Variants in OAF observed in about 807,000 individuals in gnomAD.
OAF encodes the protein out at first protein homolog.
OAF carries 13 observed loss-of-function variants against 22.5 expected under a neutral mutation model. The observed-to-expected ratio is 0.58, with a 90% CI of 0.38 to 0.92. The LOEUF (loss-of-function observed/expected upper bound fraction) is 0.92. OAF is among the 40% of genes least tolerant of loss of function. OAF has a pLI of 0.00. For synonymous variants in OAF, 175 were observed against 170.5 expected, an observed-to-expected ratio of 1.03 and a Z score of -0.21; for missense variants, 347 against 381.8, an observed-to-expected ratio of 0.91 and a Z score of 0.76.
chr11:120,211,452 G>C lies in OAF; in HGVS notation c.173G>C (p.Ser58Thr). 1 of 1,544,402 alleles carries C rather than the reference G, an allele frequency of 6.5e-7. No homozygotes were observed. Among genetic ancestry groups the C allele is most frequent in the Non-Finnish European group, 8.7e-7 (1 of 1,145,396 alleles). The change falls in exon 1 of 4, where the codon AGC (serine) becomes ACC (threonine). Residue 58 changes from serine (S) to threonine (T), a missense_variant. Ser to Thr is a moderately conservative substitution (Grantham distance 58). Coordinates refer to ENST00000328965, the MANE Select transcript of OAF (RefSeq NM_178507.4). ...LQADSDADSI[S>T]LELRKPDGTL... ...GCGGACAGCGACGCGGACAGCATCA[G>C]CCTCGAGCTGCGCAAGCCCGACGGC...
In OAF at chr11:120,223,869, G is replaced by C. The variant is rs143965881; in HGVS notation, c.232-1792G>C. Among the ~76,000 whole-genome samples, 499 of 152,328 alleles carry C rather than the reference G, an allele frequency of 3.3e-3. 3 individuals are homozygous for C. The highest frequency in any genetic ancestry group is 0.011 in the African/African-American group (452 of 41,560). ...GGGGATCCTGCCAGGGACATGGCCT[G>C]GCTCAAGCTCTAGCAGGGGAAGTCT... On this transcript the variant is annotated intron_variant, in intron 1 of 3. Coordinates refer to ENST00000328965, the MANE Select transcript of OAF (RefSeq NM_178507.4).
At chr11:120,222,837 G>A (rs554853718) in intron 1 of OAF, among the ~76,000 whole-genome samples, 74 of 152,276 alleles carry the variant, frequency 4.9e-4, no homozygotes, top group Non-Finnish European at 9.0e-4. Context: ...GCTTGAACCC[G>A]GTAGGTGGAG....
intron 3 of OAF, 44 bp from the exon 4 acceptor site, chr11:120,228,824 C>CAACCCG: frequency 1.9e-6 from 1 of 519,062 alleles, no homozygotes; most frequent in Non-Finnish European, 3.6e-6. Flanking sequence ...AGCTCCTTCC[C>CAACCCG]TCCCTCCCTC....
intron 1 of OAF, among the ~76,000 whole-genome samples, chr11:120,223,719 C>A (rs1262716619): frequency 2.0e-5 from 3 of 152,192 alleles, no homozygotes; most frequent in Non-Finnish European, 4.4e-5. Context: ...CCTGAGCAGC[C>A]CTGAGACTTC....
Position 120,222,412 on chromosome 11 carries a change from C to T in OAF, c.232-3249C>T, listed in dbSNP as rs147492603. ...GTCTTTACAAAATACAAAAATTAGC[C>T]GGGCATGGTGGCACATGCCTGTAAT... On this transcript the variant is annotated intron_variant, in intron 1 of 3. Coordinates refer to ENST00000328965, the MANE Select transcript of OAF (RefSeq NM_178507.4). Among the ~76,000 whole-genome samples, 1,155 of 152,032 alleles carry T rather than the reference C, an allele frequency of 7.6e-3. 10 individuals carry two copies. Among genetic ancestry groups the T allele is most frequent in the African/African-American group, 0.026 (1,095 of 41,430 alleles).
rs148100634 is a variant in OAF, at chr11:120,211,438, C to T, written c.159C>T (p.Asp53=). The change falls in exon 1 of 4, where the codon GAC becomes GAT. Residue 53 remains aspartate (D), a synonymous_variant. Coordinates refer to ENST00000328965, the MANE Select transcript of OAF (RefSeq NM_178507.4). ...AGGAGAGCCTGCAGGCGGACAGCGACGCGGACAGCATCAGCCTCGAGCTGC... is the reference window on the plus strand; with the variant it reads ...AGGAGAGCCTGCAGGCGGACAGCGATGCGGACAGCATCAGCCTCGAGCTGC... ...VTEESLQADS[D]ADSISLELRK... 628 of 1,565,248 alleles carry T rather than the reference C, an allele frequency of 4.0e-4. 3 individuals are homozygous for T. In the African/African-American group the frequency reaches 7.1e-3, roughly 18 times the overall value.
chr11:120,221,599 C>T (rs1375256779), intron 1 of OAF, among the ~76,000 whole-genome samples: 2 of 152,186 alleles, frequency 1.3e-5, no homozygotes, highest in Admixed American at 6.5e-5. Flanking sequence ...TAAGTAAATC[C>T]CTTCAAGGTT....
intron 1 of OAF, among the ~76,000 whole-genome samples, chr11:120,219,152 G>A (rs1938249785): frequency 6.6e-6 from 1 of 151,994 alleles, no homozygotes; most frequent in South Asian, 2.1e-4. Flanking sequence ...GGGGTGTGAT[G>A]AGACGGTGGG....
Position 120,226,825 on chromosome 11 carries a change from C to T in OAF, c.376C>T (p.Arg126Trp), listed in dbSNP as rs147440018. ...TCTCTCCCACACACAGAAAAATCCC[C>T]GGGCAGTGCGGCAGGCGGAGGAGGT... Reference protein sequence around the residue: ...AMAKLRQKNPRAVRQAEEVRG... With the variant: ...AMAKLRQKNPWAVRQAEEVRG... Residue 126 changes from arginine to tryptophan, a missense_variant, in exon 3 of 4, where the codon CGG becomes TGG. Coordinates refer to ENST00000328965, the MANE Select transcript of OAF (RefSeq NM_178507.4). 98 of 1,595,786 alleles carry T rather than the reference C, an allele frequency of 6.1e-5. No homozygotes were observed. The highest frequency in any genetic ancestry group is 7.5e-5 in the Non-Finnish European group (87 of 1,166,632).
intron 1 of OAF, among the ~76,000 whole-genome samples, chr11:120,223,046 C>T (rs559411510): frequency 1.2e-4 from 18 of 152,212 alleles, no homozygotes; most frequent in African/African-American, 1.7e-4. Context: ...GAGCCAGAGC[C>T]GCCACATTCG....
intron 1 of OAF, among the ~76,000 whole-genome samples, chr11:120,222,078 C>G (rs1241636890): frequency 6.6e-6 from 1 of 152,148 alleles, no homozygotes; most frequent in Admixed American, 6.5e-5. Flanking sequence ...GGACTTTCAC[C>G]CTTCCCTGTG....
At position 120,229,371 on chromosome 11, in the gene OAF, A is replaced by C; in HGVS notation, c.*229A>C. ...CACCCTGTGCCTTCCTTGCGGGCAGAGAGGGAGAGAAGGGCTCCCCAGATC... is the reference window on the plus strand; with the variant it reads ...CACCCTGTGCCTTCCTTGCGGGCAGCGAGGGAGAGAAGGGCTCCCCAGATC... On this transcript the variant is annotated 3_prime_UTR_variant, in exon 4 of 4. Transcript: ENST00000328965. The C allele has an allele frequency of 1.4e-4, 59 of 422,770 alleles. No homozygotes were observed. Among genetic ancestry groups the C allele is most frequent in the South Asian group, 6.3e-4 (23 of 36,508 alleles). 26.2% of individuals were successfully genotyped at this position (422,770 alleles called of 1,614,324 possible).
chr11:120,227,815 C>A (rs1282829284), intron 3 of OAF, among the ~76,000 whole-genome samples: 1 of 152,060 alleles, frequency 6.6e-6, no homozygotes, highest in Non-Finnish European at 1.5e-5. Flanking sequence ...TTTAGAAATA[C>A]CCAACCAAGC....
chr11:120,225,881 T>A lies in OAF; in HGVS notation c.366+86T>A. The A allele has an allele frequency of 5.5e-6, 7 of 1,278,734 alleles. No individual in the cohort carries two copies. In the South Asian group the frequency reaches 9.2e-5, roughly 17 times the overall value. The allele number at this position is 1,278,734 out of a possible 1,614,324, so 79.2% of individuals were successfully genotyped here. A position where few individuals can be genotyped will look rare whatever the true frequency, so the allele number is the denominator to read the frequency against. Reference sequence around the variant, plus strand: ...TCCCATCCCGCAGACCCGGCCCAGATCCTGACCTGCAGACCCGACCCCTGC... The same window carrying A: ...TCCCATCCCGCAGACCCGGCCCAGAACCTGACCTGCAGACCCGACCCCTGC... On this transcript the variant is annotated intron_variant, in intron 2 of 3. Transcript: ENST00000328965.
At chr11:120,218,219 A>T (rs1938237192) in intron 1 of OAF, among the ~76,000 whole-genome samples, 1 of 151,836 alleles carries the variant, frequency 6.6e-6, no homozygotes, top group Non-Finnish European at 1.5e-5. Context: ...GGTTGTGCTA[A>T]TGCCCCAAGA....
chr11:120,228,825 T>TGCCC, intron 3 of OAF, 43 bp from the exon 4 acceptor site: 2 of 434,174 alleles, frequency 4.6e-6, no homozygotes, highest in East Asian at 5.5e-5. Context: ...GCTCCTTCCC[T>TGCCC]CCCTCCCTCC....
chr11:120,223,538 C>T (rs1241553663), intron 1 of OAF, among the ~76,000 whole-genome samples: 1 of 152,178 alleles, frequency 6.6e-6, no homozygotes, highest in Non-Finnish European at 1.5e-5. Flanking sequence ...TTCCTGCACC[C>T]CCTGTCAGTT....
intron 1 of OAF, among the ~76,000 whole-genome samples, chr11:120,223,126 C>T (rs974873191): frequency 6.6e-6 from 1 of 152,212 alleles, no homozygotes; most frequent in Non-Finnish European, 1.5e-5. Flanking sequence ...CCTAATCCCA[C>T]CTCTGCTGCT....
intron 1 of OAF, 37 bp from the exon 2 acceptor site, chr11:120,225,624 A>T: frequency 6.5e-7 from 1 of 1,536,630 alleles, no homozygotes; most frequent in Non-Finnish European, 8.7e-7. Context: ...AAGGTCCCAC[A>T]CCCTCCAGCC....
Sources: gnomAD v4.1 joint callset for allele counts (sites outside exome capture counted in the v4.1 genomes callset) on GRCh38, gnomAD v4.1.1 for gene constraint, MANE v1.5 for transcripts, NCBI Gene and HGNC (gene_info 2026-07-23, HGNC 2026-07-21) for gene names.